LRFN5: variants seen among roughly 807,000 people sequenced by gnomAD.
The protein encoded by LRFN5 is leucine rich repeat and fibronectin type III domain containing 5.
LRFN5 carries 24 observed loss-of-function variants against 45.6 expected under a neutral mutation model. The observed-to-expected ratio is 0.53, with a 90% CI of 0.38 to 0.74. LRFN5 has a LOEUF of 0.74. Ranked by LOEUF, LRFN5 falls within the 30% of genes least tolerant of loss-of-function variation. The probability of loss-of-function intolerance (pLI) is 0.00; values close to 1 mark genes in which losing one functional copy is unlikely to be tolerated. For missense variants in LRFN5, 776 were observed against 861.5 expected, an observed-to-expected ratio of 0.90 and a Z score of 1.24; for synonymous variants, 340 against 313.8, an observed-to-expected ratio of 1.08 and a Z score of -0.88.
chr14:41,732,871 A>G (rs1020502546), intron 1 of LRFN5, among the ~76,000 whole-genome samples: 4 of 152,004 alleles, frequency 2.6e-5, no homozygotes, highest in Admixed American at 6.6e-5. Context: ...AAGTAGAAAA[A>G]TCAATAAATT....
Position 41,624,842 on chromosome 14 carries a change from A to AT in LRFN5, c.-197+16286dup, listed in dbSNP as rs1198407688. The stretch of plus-strand genomic sequence containing the variant: ...CACGTAGACATTCACAGGATTTATA[A>AT]TTTTTTCATTATCTTCCTTTATTCC... On this transcript the variant is annotated intron_variant, in intron 1 of 5. Transcript: ENST00000298119. Among the ~76,000 whole-genome samples the AT allele has an allele frequency of 2.0e-5, 3 of 151,960 alleles. No individual in the cohort carries two copies. In the East Asian group the frequency reaches 5.8e-4, roughly 29 times the overall value.
intron 1 of LRFN5, among the ~76,000 whole-genome samples, chr14:41,743,703 A>G (rs1884802097): frequency 6.6e-6 from 1 of 152,218 alleles, no homozygotes. Context: ...CACAAAAAAT[A>G]TAAGTTGTTA....
chr14:41,855,746 A>G (rs1421519584), intron 2 of LRFN5, among the ~76,000 whole-genome samples: 1 of 152,182 alleles, frequency 6.6e-6, no homozygotes, highest in Non-Finnish European at 1.5e-5. Flanking sequence ...TATATTTTTG[A>G]TTCACCTATA....
intron 1 of LRFN5, among the ~76,000 whole-genome samples, chr14:41,673,316 C>T (rs1438910752): frequency 1.3e-5 from 2 of 151,430 alleles, no homozygotes; most frequent in Admixed American, 6.6e-5. Context: ...CCCTCACCTC[C>T]GGGACGAGGC....
intron 2 of LRFN5, among the ~76,000 whole-genome samples, chr14:41,871,891 C>G (rs980494068): frequency 5.9e-5 from 9 of 152,140 alleles, no homozygotes; most frequent in African/African-American, 2.2e-4. Context: ...TTAGCCAACA[C>G]TTGTACTTAC....
intron 2 of LRFN5, among the ~76,000 whole-genome samples, chr14:41,779,149 C>T (rs1215996316): frequency 6.6e-6 from 1 of 151,716 alleles, no homozygotes; most frequent in Non-Finnish European, 1.5e-5. Flanking sequence ...GGTAAATGTT[C>T]TTTATCAAGT....
rs147098862 is a variant in LRFN5, at chr14:41,898,186, C to T, written c.2099-731C>T. 1.8e-4 allele frequency among the ~76,000 whole-genome samples: 27 copies of T among 152,090 alleles called. No homozygotes were observed. The East Asian group carries it at 4.8e-3, about 27-fold the overall frequency. ...CTGTGAATCCTAAGAAGGACTTATC[C>T]TTTACTCCTAGTTTTCTATCATGTG... On this transcript the variant is annotated intron_variant, in intron 4 of 5. Transcript: ENST00000298119.
intron 3 of LRFN5, among the ~76,000 whole-genome samples, chr14:41,888,983 A>G (rs1374687711): frequency 7.2e-6 from 1 of 138,586 alleles, no homozygotes; most frequent in African/African-American, 2.6e-5. Context: ...GTGTGTATGT[A>G]TATGTGTGTA....
intron 2 of LRFN5, among the ~76,000 whole-genome samples, chr14:41,885,877 G>A (rs565567273): frequency 1.3e-5 from 2 of 151,922 alleles, no homozygotes; most frequent in Admixed American, 6.6e-5. Flanking sequence ...TTAGCTGGGC[G>A]TGGTGTTGGG....
chr14:41,680,911 C>T (rs528567041), intron 1 of LRFN5, among the ~76,000 whole-genome samples: 2 of 151,838 alleles, frequency 1.3e-5, no homozygotes, highest in Admixed American at 6.6e-5. Flanking sequence ...ACAAATTTAA[C>T]AAAGAGATAG....
rs117782413 is a variant in LRFN5, at chr14:41,879,821, G to A, written c.-20-6785G>A. ...TCTAAGTTATTGTGTATATGTATTG[G>A]CATGACAGGGGATTTTGTATTTTTT... On this transcript the variant is annotated intron_variant, in intron 2 of 5. Coordinates refer to ENST00000298119, the MANE Select transcript of LRFN5 (RefSeq NM_152447.5). 8.4e-4 allele frequency among the ~76,000 whole-genome samples: 127 copies of A among 150,712 alleles called. No individual in the cohort carries two copies. In the East Asian group the frequency reaches 0.023, roughly 27 times the overall value.
chr14:41,693,102 T>A (rs1223693994), intron 1 of LRFN5, among the ~76,000 whole-genome samples: 1 of 152,146 alleles, frequency 6.6e-6, no homozygotes, highest in East Asian at 1.9e-4. Flanking sequence ...ATTTTTATAT[T>A]CTTATTCAAA....
chr14:41,709,185 A>G (rs549375846), intron 1 of LRFN5, among the ~76,000 whole-genome samples: 1 of 152,122 alleles, frequency 6.6e-6, no homozygotes, highest in Admixed American at 6.5e-5. Flanking sequence ...AGCATCAAAC[A>G]TAATATATAT....
rs1453583772 is a variant in LRFN5 at position 41,607,221 on chromosome 14, C to G, written c.-1538C>G. ...GTGAATTGTTTAGCAGCTGGCTGCT[C>G]CCTTAGGATCCTTGACTTTGGGGAG... On this transcript the variant is annotated 5_prime_UTR_variant, in exon 1 of 6. Transcript: ENST00000298119. Among the ~76,000 whole-genome samples, 1 of 152,104 alleles carries G rather than the reference C, an allele frequency of 6.6e-6. No individual in the cohort carries two copies. The highest frequency in any genetic ancestry group is 1.5e-5 in the Non-Finnish European group (1 of 68,034).
At chr14:41,711,183 C>T (rs976880535) in intron 1 of LRFN5, among the ~76,000 whole-genome samples, 7 of 152,148 alleles carry the variant, frequency 4.6e-5, no homozygotes, top group African/African-American at 1.4e-4. Context: ...ATAGGCAATA[C>T]ATATGTACAC....
intron 1 of LRFN5, among the ~76,000 whole-genome samples, chr14:41,732,877 A>G (rs1406624448): frequency 6.6e-6 from 1 of 151,996 alleles, no homozygotes; most frequent in Non-Finnish European, 1.5e-5. Flanking sequence ...AAAAATCAAT[A>G]AATTTACAGA....
chr14:41,870,489 A>T (rs1411105337), intron 2 of LRFN5, among the ~76,000 whole-genome samples: 1 of 152,182 alleles, frequency 6.6e-6, no homozygotes, highest in Non-Finnish European at 1.5e-5. Flanking sequence ...CATGTCTTAC[A>T]TGGCAGCAGG....
At chr14:41,677,315 G>C (rs1881678191) in intron 1 of LRFN5, among the ~76,000 whole-genome samples, 2 of 152,056 alleles carry the variant, frequency 1.3e-5, no homozygotes, top group African/African-American at 4.8e-5. Context: ...AAAATATCAA[G>C]TTTTAAAGAA....
chr14:41,788,284 A>G (rs866160733), intron 2 of LRFN5, among the ~76,000 whole-genome samples: 20 of 152,038 alleles, frequency 1.3e-4, no homozygotes, highest in Non-Finnish European at 5.9e-5. Flanking sequence ...GTTTTTTTCC[A>G]TTATATGGAA....
Sources: gnomAD v4.1 joint callset for allele counts (sites outside exome capture counted in the v4.1 genomes callset) on GRCh38, gnomAD v4.1.1 for gene constraint, MANE v1.5 for transcripts, NCBI Gene and HGNC (gene_info 2026-07-23, HGNC 2026-07-21) for gene names.